Variants in UGT1A6 observed in about 807,000 individuals in gnomAD.
UGT1A6 encodes UDP-glucuronosyltransferase 1A6.
In UGT1A6, 32 loss-of-function variants were observed where a neutral mutation model predicts 44.4. The observed-to-expected ratio is 0.72, with a 90% CI of 0.54 to 0.97. UGT1A6 has a LOEUF of 0.97. Ranked by LOEUF, UGT1A6 falls within the 50% of genes least tolerant of loss-of-function variation. The probability of loss-of-function intolerance (pLI) is 0.00; values close to 1 mark genes in which losing one functional copy is unlikely to be tolerated. For missense variants in UGT1A6, 685 were observed against 661.9 expected (o/e 1.03, Z -0.38); for synonymous variants, 238 against 248.5 (o/e 0.96, Z 0.40).
chr2:233,772,291 G>A lies in UGT1A6; in HGVS notation c.1331G>A (p.Ser444Asn), dbSNP rs1248654212. 6.2e-7 allele frequency: 1 copy of A among 1,614,228 alleles called. No individual in the cohort carries two copies. The highest frequency in any genetic ancestry group is 1.1e-5 in the South Asian group (1 of 91,084). The change falls in exon 5 of 5, where the codon AGC becomes AAC. Residue 444 changes from serine (S) to asparagine (N), a missense_variant. Ser to Asn is a conservative substitution (Grantham distance 46, BLOSUM62 1). Transcript: ENST00000305139. ...SYKENIMRLS[S>N]LHKDRPVEPL... ...AAGGAGAACATCATGCGCCTCTCCAGCCTTCACAAGGACCGCCCGGTGGAG... is the reference window on the plus strand; with the variant it reads ...AAGGAGAACATCATGCGCCTCTCCAACCTTCACAAGGACCGCCCGGTGGAG...
At chr2:233,756,814 A>C (rs985210538) in intron 1 of UGT1A6, among the ~76,000 whole-genome samples, 2 of 152,110 alleles carry the variant, frequency 1.3e-5, no homozygotes, top group Admixed American at 6.5e-5. Flanking sequence ...AGGTCACTCA[A>C]TTCCAAGGGG....
intron 1 of UGT1A6, chr2:233,713,109 C>T: frequency 6.2e-7 from 1 of 1,614,208 alleles, no homozygotes; most frequent in Admixed American, 1.7e-5. Context: ...TGATGGCAGC[C>T]ACTGGCTCAG....
At chr2:233,725,722 A>G (rs368612917) in intron 1 of UGT1A6, among the ~76,000 whole-genome samples, 6 of 152,340 alleles carry the variant, frequency 3.9e-5, no homozygotes, top group African/African-American at 1.2e-4. Flanking sequence ...CATATGGTCA[A>G]TGTTTACAAA....
chr2:233,715,588 A>G lies in UGT1A6; in HGVS notation c.861+21723A>G, dbSNP rs531738366. Reference sequence around the variant, plus strand: ...GGAGTCTGAGAGCAGCCTGGGCAACATGCTGAGACTCCATCTCTACAAAAA... The same window carrying G: ...GGAGTCTGAGAGCAGCCTGGGCAACGTGCTGAGACTCCATCTCTACAAAAA... On this transcript the variant is annotated intron_variant, in intron 1 of 4. Transcript: ENST00000305139. Among the ~76,000 whole-genome samples, 110 of 152,162 alleles carry G rather than the reference A, an allele frequency of 7.2e-4. 1 individual carries two copies. The highest frequency in any genetic ancestry group is 2.5e-3 in the African/African-American group (104 of 41,510).
intron 1 of UGT1A6, among the ~76,000 whole-genome samples, chr2:233,702,777 G>C (rs745755769): frequency 6.6e-6 from 1 of 152,158 alleles, no homozygotes; most frequent in Non-Finnish European, 1.5e-5. Context: ...TGATTTGCAG[G>C]TGTAAACGAA....
At chr2:233,750,039 G>A (rs1434781604) in intron 1 of UGT1A6, among the ~76,000 whole-genome samples, 1 of 151,888 alleles carries the variant, frequency 6.6e-6, no homozygotes, top group East Asian at 1.9e-4. Flanking sequence ...AAAGATACTT[G>A]AAAATGTGGA....
rs964213148 is a variant in UGT1A6, at chr2:233,713,486, G to A, written c.861+19621G>A. The A allele has an allele frequency of 3.1e-6, 5 of 1,613,870 alleles. No individual in the cohort carries two copies. The Admixed American group carries it at 8.3e-5, about 27-fold the overall frequency. On this transcript the variant is annotated intron_variant, in intron 1 of 4. Coordinates refer to ENST00000305139, the MANE Select transcript of UGT1A6 (RefSeq NM_001072.4). ...GCGCGGCGGTGCTGGCTAAGTACCT[G>A]TCGATTCCTGCTGTGTTTTTCTTGA...
Position 233,767,923 on chromosome 2 carries a change from A to G in UGT1A6, c.1068A>G (p.Gln356=), listed in dbSNP as rs553243445. ...NNTILVKWLP[Q]NDLLGHPMTR... ...CGATACTTGTTAAGTGGCTACCCCA[A>G]AACGATCTGCTTGGTATGTTGGGCG... Residue 356 remains glutamine (Q), a synonymous_variant, in exon 3 of 5, where the codon CAA becomes CAG. Transcript: ENST00000305139. The G allele has an allele frequency of 2.8e-5, 45 of 1,614,102 alleles. No individual in the cohort carries two copies. The highest frequency in any genetic ancestry group is 1.6e-4 in the Middle Eastern group (1 of 6,084).
intron 1 of UGT1A6, chr2:233,719,399 T>C (rs2076762082): frequency 1.2e-6 from 2 of 1,613,992 alleles, no homozygotes; most frequent in Non-Finnish European, 8.5e-7. Context: ...CTTCCTCCTA[T>C]ATTCCTAAGT....
At chr2:233,757,267 A>G (rs1696460945) in intron 1 of UGT1A6, among the ~76,000 whole-genome samples, 1 of 121,202 alleles carries the variant, frequency 8.3e-6, no homozygotes, top group Admixed American at 1.0e-4. Flanking sequence ...GTGGCAGCCG[A>G]TGCAATGATT....
rs2076824965 is a variant in UGT1A6, at chr2:233,720,038, T to G, written c.861+26173T>G. On this transcript the variant is annotated intron_variant, in intron 1 of 4. Transcript: ENST00000305139. ...TCCTGGGGTTTTTGCTTGCCTGATTTTCAGCTGAACGGTGATGCAACAGTA... is the reference window on the plus strand; with the variant it reads ...TCCTGGGGTTTTTGCTTGCCTGATTGTCAGCTGAACGGTGATGCAACAGTA... Among the ~76,000 whole-genome samples, 3 of 152,190 alleles carry G rather than the reference T, an allele frequency of 2.0e-5. No individual in the cohort carries two copies. In the South Asian group the frequency reaches 6.2e-4, roughly 32 times the overall value.
intron 1 of UGT1A6, among the ~76,000 whole-genome samples, chr2:233,700,403 C>T (rs1036096204): frequency 2.0e-5 from 3 of 152,080 alleles, no homozygotes; most frequent in Admixed American, 6.5e-5. Flanking sequence ...ATTTTGGCAG[C>T]AGTGTTTCTG....
intron 3 of UGT1A6, 52 bp downstream of exon 3, chr2:233,767,988 A>T: frequency 3.1e-6 from 5 of 1,614,160 alleles, no homozygotes; most frequent in Non-Finnish European, 3.4e-6. Context: ...AATTAAGAAA[A>T]TGGCTTAAGC....
intron 1 of UGT1A6, chr2:233,713,949 T>C: frequency 1.2e-6 from 2 of 1,609,382 alleles, no homozygotes; most frequent in South Asian, 2.2e-5. Flanking sequence ...TATCTACTTA[T>C]CTTTCCAAAG....
chr2:233,712,801 T>G (rs903788650), intron 1 of UGT1A6, among the ~76,000 whole-genome samples: 3 of 152,228 alleles, frequency 2.0e-5, no homozygotes, highest in Non-Finnish European at 4.4e-5. Flanking sequence ...GATCGGTCTT[T>G]CCCAGGGTGG....
chr2:233,714,055 AGAGG>A (rs1305818023), intron 1 of UGT1A6, among the ~76,000 whole-genome samples: 1 of 152,164 alleles, frequency 6.6e-6, no homozygotes, highest in Non-Finnish European at 1.5e-5. Flanking sequence ...ATGGCCACTG[AGAGG>A]AAGGAGAGGC....
chr2:233,724,710 C>G (rs1205860523), intron 1 of UGT1A6, among the ~76,000 whole-genome samples: 2 of 144,674 alleles, frequency 1.4e-5, no homozygotes, highest in African/African-American at 5.2e-5. Context: ...TCCTCGCTTT[C>G]CAGACTGGGC....
At chr2:233,727,726 T>C (rs1372996162) in intron 1 of UGT1A6, among the ~76,000 whole-genome samples, 1 of 152,208 alleles carries the variant, frequency 6.6e-6, no homozygotes, top group Admixed American at 6.5e-5. Flanking sequence ...CAGACCTTCC[T>C]TTTCTGTGCC....
At position 233,718,744 on chromosome 2, in the gene UGT1A6, G is replaced by A. The variant is rs545172755; in HGVS notation, c.861+24879G>A. 901 of 1,612,042 alleles carry A rather than the reference G, an allele frequency of 5.6e-4. 10 individuals carry two copies. The South Asian group carries it at 9.2e-3, about 16-fold the overall frequency. On this transcript the variant is annotated intron_variant, in intron 1 of 4. Transcript: ENST00000305139. ...GATTTGCTAGGTGGCTCAATGACAA[G>A]GTAATTAAGGCGAAGGAAACAAATG...
Sources: gnomAD v4.1 joint callset for allele counts (sites outside exome capture counted in the v4.1 genomes callset) on GRCh38, gnomAD v4.1.1 for gene constraint, MANE v1.5 for transcripts, NCBI Gene and HGNC (gene_info 2026-07-23, HGNC 2026-07-21) for gene names.